C7orf25: variants seen among roughly 807,000 people sequenced by gnomAD.
The protein encoded by C7orf25 is UPF0415 protein C7orf25.
C7orf25 carries 14 observed loss-of-function variants against 25.5 expected under a neutral mutation model. That is an observed-to-expected ratio of 0.55 (90% CI 0.36 to 0.86). The LOEUF (loss-of-function observed/expected upper bound fraction) is 0.86. C7orf25 is among the 40% of genes least tolerant of loss of function. The pLI is 0.01. For synonymous variants in C7orf25, 184 were observed against 179.9 expected (o/e 1.02, Z -0.18); for missense variants, 405 against 493.9 (o/e 0.82, Z 1.71).
chr7:42,911,621 G>C, intron 1 of C7orf25: 1 of 1,071,208 alleles, frequency 9.3e-7, no homozygotes, highest in Non-Finnish European at 1.1e-6. Context: ...TGCAACCCGC[G>C]GCGGCCGTGC....
Position 42,912,028 on chromosome 7 carries a change from C to T in C7orf25, c.-135G>A, listed in dbSNP as rs1008979011. The T allele has an allele frequency of 1.0e-5, 15 of 1,478,636 alleles. No individual in the cohort carries two copies. The highest frequency in any genetic ancestry group is 1.3e-5 in the Non-Finnish European group (15 of 1,122,334). 91.6% of individuals were successfully genotyped at this position (1,478,636 alleles called of 1,614,324 possible). A position where few individuals can be genotyped will look rare whatever the true frequency, so the allele number is the denominator to read the frequency against. ...ACCCCGCTCGAACGCCGAGGCGGCT[C>T]CACCCGCGCGAGCCCCGCCGCCTCG... On this transcript the variant is annotated 5_prime_UTR_variant, in exon 1 of 2. Transcript: ENST00000350427.
Position 42,909,810 on chromosome 7 carries a change from G to A in C7orf25, c.1091C>T (p.Thr364Met), listed in dbSNP as rs772960316. ...INSRSLTIFG[T>M]GDTLKAITMT... ...TGTGATGGCTTTTAGGGTGTCTCCCGTCCCAAAAATTGTTAATGAGCGGCT... is the reference window on the plus strand; with the variant it reads ...TGTGATGGCTTTTAGGGTGTCTCCCATCCCAAAAATTGTTAATGAGCGGCT... Residue 364 changes from threonine (T) to methionine (M), a missense_variant, in exon 2 of 2, where the codon ACG becomes ATG. Thr to Met is a moderately conservative substitution (Grantham distance 81). Transcript: ENST00000350427. 20 of 1,613,930 alleles carry A rather than the reference G, an allele frequency of 1.2e-5. No homozygotes were observed. The highest frequency in any genetic ancestry group is 2.7e-5 in the African/African-American group (2 of 74,854).
chr7:42,911,672 G>A (rs1785903436), intron 1 of C7orf25: 2 of 1,130,986 alleles, frequency 1.8e-6, no homozygotes, highest in Non-Finnish European at 1.1e-6. Context: ...CGGGCCAGAG[G>A]CCGGCGGGGC....
rs1477763963 is a variant in C7orf25 at position 42,910,445 on chromosome 7, G to A, written c.456C>T (p.Ala152=). 1 of 1,614,242 alleles carries A rather than the reference G, an allele frequency of 6.2e-7. No homozygotes were observed. Residue 152 remains alanine, a synonymous_variant, in exon 2 of 2, where the codon GCC becomes GCT. Transcript: ENST00000350427. ...TATACTGCACTGGCTGCTGGTGACT[G>A]GCCTGGAGGAAGTCTTCAGCCTGCT... The part of the protein sequence containing the change: ...IIEQAEDFLQ[A]SHQQPVQYSN...
chr7:42,911,929 CCG>C lies in C7orf25; in HGVS notation c.-38_-37del. On this transcript the variant is annotated 5_prime_UTR_variant, in exon 1 of 2. It introduces an in-frame stop codon into an upstream open reading frame of the 5' UTR. Coordinates refer to ENST00000350427, the MANE Select transcript of C7orf25 (RefSeq NM_001099858.2). ...CGGCTCCTCACCGGCAGCGCCAGAA[CCG>C]CGAGCGCGAGCACGCAGGCGCGTGC... 1 of 1,481,124 alleles carries C rather than the reference CCG, an allele frequency of 6.8e-7. No homozygotes were observed. Among genetic ancestry groups the C allele is most frequent in the East Asian group, 2.9e-5 (1 of 34,172 alleles). The allele number at this position is 1,481,124 out of a possible 1,614,324, so 91.7% of individuals were successfully genotyped here. A position where few individuals can be genotyped will look rare whatever the true frequency, so the allele number is the denominator to read the frequency against.
Position 42,909,598 on chromosome 7 carries a change from A to T in C7orf25, c.*37T>A, listed in dbSNP as rs779470857. On this transcript the variant is annotated 3_prime_UTR_variant, in exon 2 of 2. Coordinates refer to ENST00000350427, the MANE Select transcript of C7orf25 (RefSeq NM_001099858.2). ...ATGGGAAGACCCAGCCTTTGGTATA[A>T]ATAACTTACTTCCACAAAAATATTT... The T allele has an allele frequency of 6.4e-7, 1 of 1,569,078 alleles. No individual in the cohort carries two copies. The highest frequency in any genetic ancestry group is 8.6e-7 in the Non-Finnish European group (1 of 1,160,334).
chr7:42,911,480 C>G, intron 1 of C7orf25: 1 of 1,003,118 alleles, frequency 1.0e-6, no homozygotes, highest in Non-Finnish European at 1.2e-6. Flanking sequence ...CAAAAAAAAT[C>G]AACACTGCCT....
At position 42,909,408 on chromosome 7, in the gene C7orf25, CG is replaced by C; in HGVS notation, c.*226del. 2.0e-6 allele frequency: 1 copy of C among 488,822 alleles called. No individual in the cohort carries two copies. Among genetic ancestry groups the C allele is most frequent in the Non-Finnish European group, 3.6e-6 (1 of 280,930 alleles). The allele number at this position is 488,822 out of a possible 1,614,324, so 30.3% of individuals were successfully genotyped here. ...CTGAAAGCTTTATATAGACGTATTT[CG>C]GTTCTTAATTGCACTAATGCAGACA... On this transcript the variant is annotated 3_prime_UTR_variant, in exon 2 of 2. Transcript: ENST00000350427.
Position 42,910,402 on chromosome 7 carries a change from A to T in C7orf25, c.499T>A (p.Phe167Ile), listed in dbSNP as rs1785861753. The change falls in exon 2 of 2, where the codon TTT (phenylalanine) becomes ATT (isoleucine). Residue 167 changes from phenylalanine (F) to isoleucine (I), a missense_variant. Physicochemically the swap from Phe to Ile is conservative, Grantham distance 21 (BLOSUM62 0). Transcript: ENST00000350427. ...CTGGAGACACTGTTGTAAAATGCAAAGATGATGTGAGGGTTGCTATACTGC... is the reference window on the plus strand; with the variant it reads ...CTGGAGACACTGTTGTAAAATGCAATGATGATGTGAGGGTTGCTATACTGC... ...PVQYSNPHIIFAFYNSVSSPM... is the reference protein window; with the variant it reads ...PVQYSNPHIIIAFYNSVSSPM... 1 of 1,614,208 alleles carries T rather than the reference A, an allele frequency of 6.2e-7. No individual in the cohort carries two copies.
chr7:42,911,989 A>G lies in C7orf25; in HGVS notation c.-96T>C. On this transcript the variant is annotated 5_prime_UTR_variant, in exon 1 of 2. Transcript: ENST00000350427. ...GGCCGGGACCCGCCGGGAAATCTCA[A>G]CCGGGCAGCCCCCACCCCGCTCGAA... The G allele has an allele frequency of 6.7e-7, 1 of 1,495,152 alleles. No individual in the cohort carries two copies. Among genetic ancestry groups the G allele is most frequent in the Admixed American group, 2.2e-5 (1 of 45,378 alleles). The allele number at this position is 1,495,152 out of a possible 1,614,324, so 92.6% of individuals were successfully genotyped here.
chr7:42,910,025 C>T lies in C7orf25; in HGVS notation c.876G>A (p.Leu292=). The change falls in exon 2 of 2, where the codon CTG becomes CTA. Residue 292 remains leucine, a synonymous_variant. Transcript: ENST00000350427. ...ACTCCTTGTCCTTCATAAAGGCCTCCAGCTGAGGTAGAACCTGCTCTTTCC... is the reference window on the plus strand; with the variant it reads ...ACTCCTTGTCCTTCATAAAGGCCTCTAGCTGAGGTAGAACCTGCTCTTTCC... The part of the protein sequence containing the change: ...QERKEQVLPQ[L]EAFMKDKELF... 1 of 1,614,142 alleles carries T rather than the reference C, an allele frequency of 6.2e-7. No homozygotes were observed. Among genetic ancestry groups the T allele is most frequent in the East Asian group, 2.2e-5 (1 of 44,866 alleles).
chr7:42,911,087 C>A, intron 1 of C7orf25, 166 bp from the exon 2 acceptor site: 1 of 1,164,554 alleles, frequency 8.6e-7, no homozygotes, highest in Non-Finnish European at 1.2e-6. Flanking sequence ...CCTCTGATAG[C>A]TAAGGAAAGG....
chr7:42,911,675 G>C (rs954468248), intron 1 of C7orf25: 1 of 1,135,292 alleles, frequency 8.8e-7, no homozygotes, highest in Admixed American at 4.9e-5. Context: ...GCCAGAGGCC[G>C]GCGGGGCCTT....
intron 1 of C7orf25, chr7:42,911,395 CT>C (rs1382261263): frequency 7.7e-5 from 79 of 1,028,290 alleles, no homozygotes; most frequent in Non-Finnish European, 9.1e-5. Context: ...CCTCCCTAAC[CT>C]TTTCCTCCTT....
Position 42,910,496 on chromosome 7 carries a change from G to C in C7orf25, c.405C>G (p.Gly135=). 6.2e-7 allele frequency: 1 copy of C among 1,614,212 alleles called. No individual in the cohort carries two copies. Among genetic ancestry groups the C allele is most frequent in the Non-Finnish European group, 8.5e-7 (1 of 1,180,024 alleles). Residue 135 remains glycine, a synonymous_variant, in exon 2 of 2, where the codon GGC becomes GGG. Coordinates refer to ENST00000350427, the MANE Select transcript of C7orf25 (RefSeq NM_001099858.2). ...CAATGATGCTTTTGTCACCATATTG[G>C]CCCCTGCCCAGCCAGATGTTATGAA... ...EALHNIWLGR[G]QYGDKSIIEQ...
At position 42,910,478 on chromosome 7, in the gene C7orf25, G is replaced by C; in HGVS notation, c.423C>G (p.Ser141Arg). 6.2e-7 allele frequency: 1 copy of C among 1,614,214 alleles called. No individual in the cohort carries two copies. Among genetic ancestry groups the C allele is most frequent in the Non-Finnish European group, 8.5e-7 (1 of 1,180,052 alleles). ...GGAAGTCTTCAGCCTGCTCAATGAT[G>C]CTTTTGTCACCATATTGGCCCCTGC... ...WLGRGQYGDK[S>R]IIEQAEDFLQ... The change falls in exon 2 of 2, where the codon AGC (serine) becomes AGG (arginine). Residue 141 changes from serine to arginine, a missense_variant. Ser to Arg is a moderately radical substitution (Grantham distance 110). Transcript: ENST00000350427.
chr7:42,910,727 A>T lies in C7orf25; in HGVS notation c.174T>A (p.Ala58=), dbSNP rs2128671799. The change falls in exon 2 of 2, where the codon GCT becomes GCA. Residue 58 remains alanine, a synonymous_variant. Transcript: ENST00000350427. ...TGCTCTGTAAATGAGACTCTTTAATAGCTACTTTCCCAGCTTCTACTTTCT... is the reference window on the plus strand; with the variant it reads ...TGCTCTGTAAATGAGACTCTTTAATTGCTACTTTCCCAGCTTCTACTTTCT... The part of the protein sequence containing the change: ...FLQKVEAGKV[A]IKESHLQSTN... 6.2e-7 allele frequency: 1 copy of T among 1,614,168 alleles called. No individual in the cohort carries two copies. Among genetic ancestry groups the T allele is most frequent in the East Asian group, 2.2e-5 (1 of 44,888 alleles).
At position 42,910,685 on chromosome 7, in the gene C7orf25, C is replaced by G; in HGVS notation, c.216G>C (p.Leu72=). Residue 72 remains leucine, a synonymous_variant, in exon 2 of 2, where the codon CTG becomes CTC. Coordinates refer to ENST00000350427, the MANE Select transcript of C7orf25 (RefSeq NM_001099858.2). ...TTTCTGCTGATTCCACAATGGCTCT[C>G]AGGTGTGTTAGGTTAGTGCTCTGTA... is the stretch of plus-strand genomic sequence containing the variant. ...SHLQSTNLTH[L]RAIVESAENL... The G allele has an allele frequency of 1.2e-6, 2 of 1,614,148 alleles. No homozygotes were observed. The highest frequency in any genetic ancestry group is 1.7e-6 in the Non-Finnish European group (2 of 1,180,038).
chr7:42,911,738 C>T, intron 1 of C7orf25, 177 bp downstream of exon 1: 1 of 1,210,720 alleles, frequency 8.3e-7, no homozygotes, highest in East Asian at 3.5e-5. Flanking sequence ...ACAGCCGGGC[C>T]CTGCCAGGAG....
Sources: gnomAD v4.1 joint callset for allele counts on GRCh38, gnomAD v4.1.1 for gene constraint, MANE v1.5 for transcripts, NCBI Gene and HGNC (gene_info 2026-07-23, HGNC 2026-07-21) for gene names.